Variants in CCDC158 observed in about 807,000 individuals in gnomAD.
The protein encoded by CCDC158 is coiled-coil domain containing 158.
CCDC158 carries 116 observed loss-of-function variants against 138.6 expected under a neutral mutation model. That is an observed-to-expected ratio of 0.84 (90% CI 0.72 to 0.98). CCDC158 has a LOEUF of 0.98. CCDC158 is among the 50% of genes least tolerant of loss of function. CCDC158 has a pLI of 0.00. For synonymous variants in CCDC158, 436 were observed against 442.4 expected, an observed-to-expected ratio of 0.99 and a Z score of 0.18; for missense variants, 1,265 against 1,306.1, an observed-to-expected ratio of 0.97 and a Z score of 0.48.
At chr4:76,355,036 T>A (rs1723408449) in intron 15 of CCDC158, among the ~76,000 whole-genome samples, 1 of 152,178 alleles carries the variant, frequency 6.6e-6, no homozygotes, top group Admixed American at 6.5e-5. Context: ...GCACAGCGAT[T>A]TTTACAAACA....
chr4:76,333,996 G>A lies in CCDC158; in HGVS notation c.2822+14C>T, dbSNP rs200243245. On this transcript the variant is annotated intron_variant, in intron 19 of 24. Coordinates refer to ENST00000682701, the MANE Select transcript of CCDC158 (RefSeq NM_001394954.1). ...AGAGATGAGCTTTCCCATTCTGTGT[G>A]CACACAGCCTTACACAGCCACATAC... is the stretch of plus-strand genomic sequence containing the variant. 5.7e-6 allele frequency: 9 copies of A among 1,565,264 alleles called. No individual in the cohort carries two copies. The Middle Eastern group carries it at 5.1e-4, about 89-fold the overall frequency.
At chr4:76,316,462 T>C (rs761956092) in intron 24 of CCDC158, among the ~76,000 whole-genome samples, 3 of 152,162 alleles carry the variant, frequency 2.0e-5, no homozygotes, top group African/African-American at 7.2e-5. Context: ...TCTGGGATTA[T>C]GTTAAACGGC....
At chr4:76,376,947 A>G (rs1409093492) in intron 9 of CCDC158, among the ~76,000 whole-genome samples, 2 of 152,256 alleles carry the variant, frequency 1.3e-5, no homozygotes, top group Non-Finnish European at 2.9e-5. Flanking sequence ...TTAGAGCAAA[A>G]TAAGAGAATG....
chr4:76,320,944 C>A (rs1165241850), intron 24 of CCDC158, among the ~76,000 whole-genome samples: 8 of 152,028 alleles, frequency 5.3e-5, no homozygotes, highest in Admixed American at 5.2e-4. Flanking sequence ...TTCTGCATAG[C>A]AAAAGAAATA....
rs1379412385 is a variant in CCDC158, at chr4:76,357,436, G to A, written c.2111C>T (p.Ala704Val). The change falls in exon 14 of 25, where the codon GCA becomes GTA. Residue 704 changes from alanine (A) to valine (V), a missense_variant. By Grantham distance (64) the Ala-to-Val change is moderately conservative. Coordinates refer to ENST00000682701, the MANE Select transcript of CCDC158 (RefSeq NM_001394954.1). ...TCTTGTCTGTTCTAGTTCAGACTGT[G>A]CAGATTTTAATTGCATTTTCAACTT... is the stretch of plus-strand genomic sequence containing the variant. The part of the protein sequence containing the change: ...TNKLKMQLKS[A>V]QSELEQTRNT... The A allele has an allele frequency of 1.2e-6, 2 of 1,604,204 alleles. No homozygotes were observed. Among genetic ancestry groups the A allele is most frequent in the East Asian group, 2.2e-5 (1 of 44,586 alleles).
chr4:76,406,448 G>T (rs1457118424), intron 2 of CCDC158, among the ~76,000 whole-genome samples: 1 of 152,152 alleles, frequency 6.6e-6, no homozygotes, highest in Non-Finnish European at 1.5e-5. Context: ...AAAAGATTTA[G>T]AAGAACTAAT....
Position 76,384,151 on chromosome 4 carries a change from A to C in CCDC158, c.663T>G (p.Ala221=). ...CTAATTCTCTTAGTATTTTACTAAT[A>C]GCTGAGCCCAAGCTGCGGAAGTGCA... is the stretch of plus-strand genomic sequence containing the variant. ...STLHFRSLGS[A]ISKILRELDT... The change falls in exon 6 of 25, where the codon GCT becomes GCG. Residue 221 remains alanine (A), a synonymous_variant. Transcript: ENST00000682701. 6.2e-7 allele frequency: 1 copy of C among 1,614,064 alleles called. No individual in the cohort carries two copies.
intron 24 of CCDC158, among the ~76,000 whole-genome samples, chr4:76,321,761 T>TA (rs1720031894): frequency 2.1e-5 from 3 of 145,338 alleles, no homozygotes; most frequent in African/African-American, 7.6e-5. Flanking sequence ...ATATATATAT[T>TA]TTTTATATAT....
At chr4:76,398,002 G>C (rs77763007) in intron 3 of CCDC158, among the ~76,000 whole-genome samples, 1,645 of 152,252 alleles carry the variant, frequency 0.011, 29 homozygotes, top group African/African-American at 0.038. Context: ...AGACACAGGA[G>C]CCAGTTTAAG....
chr4:76,351,864 T>C (rs1723077438), intron 16 of CCDC158, 52 bp from the exon 17 acceptor site: 3 of 1,128,954 alleles, frequency 2.7e-6, no homozygotes, highest in East Asian at 2.4e-5. Context: ...TATGCACTTA[T>C]ATTTTATTAA....
chr4:76,355,762 C>A (rs907336284), intron 14 of CCDC158, among the ~76,000 whole-genome samples: 2 of 150,392 alleles, frequency 1.3e-5, no homozygotes, highest in African/African-American at 4.9e-5. Context: ...CTCATACTTA[C>A]CCATGTAGGG....
upstream of CCDC158, among the ~76,000 whole-genome samples, chr4:76,421,517 C>A (rs2109948950): frequency 6.6e-6 from 1 of 152,224 alleles, no homozygotes; most frequent in East Asian, 1.9e-4. Context: ...TTGCCCCCAC[C>A]CGAGCGCCTC....
intron 24 of CCDC158, among the ~76,000 whole-genome samples, chr4:76,314,227 A>G (rs1194270610): frequency 1.3e-5 from 2 of 152,216 alleles, no homozygotes; most frequent in Non-Finnish European, 2.9e-5. Context: ...TATTTTGTAA[A>G]TATCTTCCAT....
chr4:76,368,241 G>A (rs1039782502), intron 11 of CCDC158, among the ~76,000 whole-genome samples: 1 of 151,982 alleles, frequency 6.6e-6, no homozygotes, highest in East Asian at 1.9e-4. Flanking sequence ...CCTGGCAATG[G>A]GGGGAAGGGT....
chr4:76,371,191 A>C (rs960574265), intron 10 of CCDC158, among the ~76,000 whole-genome samples: 2 of 152,226 alleles, frequency 1.3e-5, no homozygotes, highest in African/African-American at 4.8e-5. Flanking sequence ...CTATGTCAAG[A>C]TCTCCTTCAC....
intron 23 of CCDC158, among the ~76,000 whole-genome samples, chr4:76,324,841 C>T (rs1040843207): frequency 1.3e-5 from 2 of 152,154 alleles, no homozygotes; most frequent in Non-Finnish European, 2.9e-5. Flanking sequence ...TACCCTTTAC[C>T]TATGGTATAG....
At chr4:76,384,494 A>G in intron 5 of CCDC158, 62 bp downstream of exon 5, 2 of 1,564,324 alleles carry the variant, frequency 1.3e-6, no homozygotes, top group African/African-American at 1.4e-5. Context: ...AAACAGTAAA[A>G]CTTTAAAATA....
At chr4:76,368,489 T>G (rs527410322) in intron 11 of CCDC158, among the ~76,000 whole-genome samples, 1 of 152,294 alleles carries the variant, frequency 6.6e-6, no homozygotes, top group African/African-American at 2.4e-5. Context: ...CCAAGACCAG[T>G]CCCTTGGTTT....
At chr4:76,323,583 A>G (rs540443438) in intron 23 of CCDC158, among the ~76,000 whole-genome samples, 174 bp from the exon 24 acceptor site, 31 of 152,372 alleles carry the variant, frequency 2.0e-4, no homozygotes, top group African/African-American at 7.2e-4. Context: ...ATTTTAAAAG[A>G]GAGAAAAATG....
Sources: allele counts gnomAD v4.1 joint callset (sites outside exome capture counted in the v4.1 genomes callset), GRCh38; gene constraint gnomAD v4.1.1; transcripts MANE v1.5; gene names NCBI Gene and HGNC (gene_info 2026-07-23, HGNC 2026-07-21).